TLE6: variants seen among roughly 807,000 people sequenced by gnomAD.
TLE6 encodes the protein transducin-like enhancer protein 6.
In TLE6, 72 loss-of-function variants were observed where a neutral mutation model predicts 77.1. The observed-to-expected ratio is 0.93, with a 90% confidence interval of 0.77 to 1.14. The LOEUF (loss-of-function observed/expected upper bound fraction) is 1.14. TLE6 is among the 50% of genes most tolerant of loss of function. The pLI, the probability that TLE6 is intolerant of heterozygous loss-of-function variation, is 0.00. For synonymous variants in TLE6, 366 were observed against 287.3 expected, an observed-to-expected ratio of 1.27 and a Z score of -2.77; for missense variants, 843 against 747.6, an observed-to-expected ratio of 1.13 and a Z score of -1.49.
chr19:2,986,072 A>C (rs1599158404), intron 5 of TLE6, among the ~76,000 whole-genome samples: 2 of 11,200 alleles, frequency 1.8e-4, no homozygotes, highest in Admixed American at 1.1e-3. Context: ...AGACTGTCTC[A>C]AAAAAAAAAA....
chr19:2,989,378 C>T, intron 12 of TLE6, 65 bp downstream of exon 12: 3 of 1,598,696 alleles, frequency 1.9e-6, no homozygotes, highest in Non-Finnish European at 2.6e-6. Context: ...AGGTTTGAGT[C>T]TGGCAGAGCC....
chr19:2,990,934 G>T (rs1188882226), intron 13 of TLE6, among the ~76,000 whole-genome samples: 1 of 151,522 alleles, frequency 6.6e-6, no homozygotes, highest in African/African-American at 2.4e-5. Context: ...AGCGGAGTTT[G>T]TGGTGAGCCA....
intron 4 of TLE6, 39 bp downstream of exon 4, chr19:2,981,622 C>T (rs1247698085): frequency 1.9e-6 from 3 of 1,548,722 alleles, no homozygotes; most frequent in Non-Finnish European, 2.6e-6. Context: ...AGGAGGGCCC[C>T]ACTGGGACAA....
At chr19:2,980,686 A>G (rs2088780025) in intron 3 of TLE6, among the ~76,000 whole-genome samples, 2 of 150,016 alleles carry the variant, frequency 1.3e-5, no homozygotes. Flanking sequence ...GCAGTGAGCC[A>G]GGATCACACC....
At chr19:2,979,980 A>AAAT in intron 2 of TLE6, 120 bp from the exon 3 acceptor site, 1 of 693,616 alleles carries the variant, frequency 1.4e-6, no homozygotes. Context: ...AAAAAAAAAA[A>AAAT]GCAAAAACCA....
At position 2,987,283 on chromosome 19, in the gene TLE6, C is replaced by T. The variant is rs368139790; in HGVS notation, c.541+45C>T. ...AGGGGGAAGGGGCAGCCACAGGCTG[C>T]GTCTCAGGGGCTGTGCAGTGAACCC... On this transcript the variant is annotated intron_variant, in intron 7 of 16. Transcript: ENST00000246112. The T allele has an allele frequency of 8.1e-6, 13 of 1,614,000 alleles. No homozygotes were observed. The East Asian group carries it at 1.3e-4, about 17-fold the overall frequency.
At chr19:2,992,007 T>G in intron 14 of TLE6, 23 bp downstream of exon 14, 1 of 1,610,452 alleles carries the variant, frequency 6.2e-7, no homozygotes, top group Non-Finnish European at 8.5e-7. Context: ...GGATGGGGTC[T>G]GCTTGGCCAG....
At chr19:2,982,068 A>T in intron 4 of TLE6, 80 bp from the exon 5 acceptor site, 1 of 1,443,696 alleles carries the variant, frequency 6.9e-7, no homozygotes, top group Non-Finnish European at 9.5e-7. Context: ...GGGGCCAGAG[A>T]GGTAGAGCAG....
chr19:2,990,687 A>C (rs1323467732), intron 13 of TLE6, among the ~76,000 whole-genome samples: 1 of 138,078 alleles, frequency 7.2e-6, no homozygotes, highest in Admixed American at 7.2e-5. Flanking sequence ...ATACATAAAT[A>C]TATACATAAA....
Position 2,987,178 on chromosome 19 carries a change from G to A in TLE6, c.481G>A (p.Glu161Lys), listed in dbSNP as rs906514054. The A allele has an allele frequency of 1.1e-5, 18 of 1,614,048 alleles. No homozygotes were observed. In the African/African-American group the frequency reaches 1.5e-4, roughly 13 times the overall value. Reference protein sequence around the residue: ...EPWFWHDTLTEQLWRIFAGVH... With the variant: ...EPWFWHDTLTKQLWRIFAGVH... ...TTGGTTTTGGCACGACACTCTGACC[G>A]AGCAACTCTGGCGGATTTTTGCCGG... Residue 161 changes from glutamate (E) to lysine (K), a missense_variant, in exon 7 of 17, where the codon GAG becomes AAG. Transcript: ENST00000246112.
chr19:2,990,648 TATAAATACATAA>T (rs1217755821), intron 13 of TLE6, among the ~76,000 whole-genome samples: 16 of 139,020 alleles, frequency 1.2e-4, no homozygotes, highest in South Asian at 2.2e-4. Context: ...TAAATATATA[TATAAATACATAA>T]ATATATACAT....
intron 15 of TLE6, 86 bp from the exon 16 acceptor site, chr19:2,993,933 A>C: frequency 4.4e-6 from 4 of 914,398 alleles, no homozygotes; most frequent in Non-Finnish European, 6.7e-6. Flanking sequence ...AAAAAAAAAA[A>C]AAAAAAAAAG....
chr19:2,982,563 T>C (rs145356779), intron 5 of TLE6, among the ~76,000 whole-genome samples: 1 of 91,806 alleles, frequency 1.1e-5, no homozygotes, highest in Non-Finnish European at 2.3e-5. Flanking sequence ...AAAAAGGAGG[T>C]GGGGGATGGT....
intron 2 of TLE6, 118 bp from the exon 3 acceptor site, chr19:2,979,982 C>T: frequency 2.1e-6 from 1 of 484,696 alleles, no homozygotes; most frequent in Non-Finnish European, 3.3e-6. Context: ...AAAAAAAAAG[C>T]AAAAACCACA....
intron 13 of TLE6, among the ~76,000 whole-genome samples, chr19:2,991,135 G>A (rs2089045719): frequency 6.6e-6 from 1 of 151,288 alleles, no homozygotes; most frequent in South Asian, 2.1e-4. Context: ...AAGCCGAGGC[G>A]GGCAGATCAC....
At position 2,988,128 on chromosome 19, in the gene TLE6, T is replaced by C. The variant is rs1431398891; in HGVS notation, c.740T>C (p.Ile247Thr). The change falls in exon 11 of 17, where the codon ATA becomes ACA. Residue 247 changes from isoleucine (I) to threonine (T), a missense_variant and splice_region_variant. Ile to Thr is a moderately conservative substitution (Grantham distance 89). Transcript: ENST00000246112. ...AGAGCCTCTCGGTTTCTACAGTCCA[T>C]GTAAGTGTCTGCACTGTTTGCTTTT... ...PGRASRFLQS[I>T]SWDPEDFEDA... 4.5e-6 allele frequency: 7 copies of C among 1,551,662 alleles called. No homozygotes were observed. Among genetic ancestry groups the C allele is most frequent in the African/African-American group, 1.4e-5 (1 of 73,172 alleles).
In TLE6 at chr19:2,986,974, C is replaced by A. The variant is rs1403807878; in HGVS notation, c.286-9C>A. On this transcript the variant is annotated splice_polypyrimidine_tract_variant and intron_variant, in intron 6 of 16. Coordinates refer to ENST00000246112, the MANE Select transcript of TLE6 (RefSeq NM_001143986.2). ...CAAAGCTCTCACTGCCTTGTTCCTGCCGGGCCAGGTCTCACCTGCTGAACC... is the reference window on the plus strand; with the variant it reads ...CAAAGCTCTCACTGCCTTGTTCCTGACGGGCCAGGTCTCACCTGCTGAACC... 2 of 1,599,818 alleles carry A rather than the reference C, an allele frequency of 1.3e-6. No homozygotes were observed. Among genetic ancestry groups the A allele is most frequent in the Non-Finnish European group, 1.7e-6 (2 of 1,173,266 alleles).
Position 2,982,047 on chromosome 19 carries a change from G to T in TLE6, c.181-101G>T, listed in dbSNP as rs2088808838. The stretch of plus-strand genomic sequence containing the variant: ...AACAAGGTGAAAACAAAAATTTAAG[G>T]TGGGGGAGTAGGGGCCAGAGAGGTA... On this transcript the variant is annotated intron_variant, in intron 4 of 16. Coordinates refer to ENST00000246112, the MANE Select transcript of TLE6 (RefSeq NM_001143986.2). 8.1e-6 allele frequency: 10 copies of T among 1,233,202 alleles called. No homozygotes were observed. The South Asian group carries it at 1.3e-4, about 16-fold the overall frequency. The allele number at this position is 1,233,202 out of a possible 1,614,324, so 76.4% of individuals were successfully genotyped here. A position where few individuals can be genotyped will look rare whatever the true frequency, so the allele number is the denominator to read the frequency against.
intron 4 of TLE6, among the ~76,000 whole-genome samples, chr19:2,981,941 C>T (rs1251660687): frequency 1.3e-5 from 2 of 151,868 alleles, no homozygotes; most frequent in East Asian, 3.9e-4. Context: ...TGTACTGCAG[C>T]CCAGGTAACA....
Sources: gnomAD v4.1 joint callset for allele counts (sites outside exome capture counted in the v4.1 genomes callset) on GRCh38, gnomAD v4.1.1 for gene constraint, MANE v1.5 for transcripts, NCBI Gene and HGNC (gene_info 2026-07-23, HGNC 2026-07-21) for gene names.